Variants in NDST4 observed in about 807,000 individuals in gnomAD.
NDST4 encodes N-heparan sulfate sulfotransferase 4.
Under a neutral mutation model 100.8 loss-of-function variants are expected in NDST4, and 63 were observed. The ratio of observed to expected loss-of-function variants is 0.62; its 90% CI spans 0.51 to 0.77. The LOEUF is 0.77. Among genes scored for constraint, NDST4 ranks in the 30% least tolerant of loss-of-function variants. The probability of loss-of-function intolerance (pLI) is 0.00; values close to 1 mark genes in which losing one functional copy is unlikely to be tolerated. For synonymous variants in NDST4, 377 were observed against 361.8 expected (o/e 1.04, Z -0.48); for missense variants, 943 against 1,018.4 (o/e 0.93, Z 1.01).
chr4:114,968,893 A>G (rs1251825761), intron 4 of NDST4, among the ~76,000 whole-genome samples: 1 of 152,050 alleles, frequency 6.6e-6, no homozygotes, highest in African/African-American at 2.4e-5. Context: ...GAAGTTTCTG[A>G]AATGCAAATT....
chr4:115,070,930 C>A (rs1441041426), intron 2 of NDST4, among the ~76,000 whole-genome samples: 1 of 151,872 alleles, frequency 6.6e-6, no homozygotes, highest in Admixed American at 6.6e-5. Flanking sequence ...CATGGTGAAA[C>A]CTTGTCTCTA....
chr4:114,905,757 C>A (rs1051756538), intron 6 of NDST4, among the ~76,000 whole-genome samples: 3 of 151,902 alleles, frequency 2.0e-5, no homozygotes, highest in African/African-American at 7.2e-5. Flanking sequence ...GAATACTGTT[C>A]TTTTTCATTT....
At position 115,015,147 on chromosome 4, in the gene NDST4, C is replaced by T. The variant is rs139994609; in HGVS notation, c.979-37873G>A. Among the ~76,000 whole-genome samples the T allele has an allele frequency of 2.9e-3, 437 of 152,196 alleles. 1 individual carries two copies. Among genetic ancestry groups the T allele is most frequent in the African/African-American group, 9.9e-3 (412 of 41,544 alleles). Reference sequence around the variant, plus strand: ...AAGAAGTGGCCCAAATGCCCACTGGCGTCACACCAATTACACAGTTTTTGT... The same window carrying T: ...AAGAAGTGGCCCAAATGCCCACTGGTGTCACACCAATTACACAGTTTTTGT... On this transcript the variant is annotated intron_variant, in intron 2 of 13. Coordinates refer to ENST00000264363, the MANE Select transcript of NDST4 (RefSeq NM_022569.3).
chr4:114,845,727 A>T (rs1420720088), intron 10 of NDST4, 96 bp downstream of exon 10: 3 of 1,112,640 alleles, frequency 2.7e-6, no homozygotes, highest in Non-Finnish European at 3.8e-6. Flanking sequence ...CTTACATTTG[A>T]CTTTTCATAT....
chr4:114,868,677 G>A (rs1724083782), intron 7 of NDST4, among the ~76,000 whole-genome samples: 1 of 151,708 alleles, frequency 6.6e-6, no homozygotes, highest in Non-Finnish European at 1.5e-5. Flanking sequence ...TCAGTGAAAA[G>A]TAACCATATA....
At chr4:115,011,742 A>G (rs1017220373) in intron 2 of NDST4, among the ~76,000 whole-genome samples, 1 of 151,950 alleles carries the variant, frequency 6.6e-6, no homozygotes, top group East Asian at 1.9e-4. Context: ...TTTATATTCC[A>G]ATATAGCTTC....
intron 1 of NDST4, among the ~76,000 whole-genome samples, chr4:115,091,269 C>T (rs1729513128): frequency 6.6e-6 from 1 of 151,734 alleles, no homozygotes; most frequent in Non-Finnish European, 1.5e-5. Flanking sequence ...TTTTATATTT[C>T]TCTGTTATGC....
chr4:115,082,425 C>T (rs1396667023), intron 1 of NDST4, among the ~76,000 whole-genome samples: 3 of 152,086 alleles, frequency 2.0e-5, no homozygotes, highest in Admixed American at 2.0e-4. Context: ...ATTACAGGTA[C>T]TACTGTAGTT....
At chr4:115,079,420 A>G (rs981407257) in intron 1 of NDST4, among the ~76,000 whole-genome samples, 3 of 151,556 alleles carry the variant, frequency 2.0e-5, no homozygotes, top group African/African-American at 7.3e-5. Flanking sequence ...ATAATTTTCC[A>G]TTATTATTAG....
intron 2 of NDST4, among the ~76,000 whole-genome samples, chr4:115,006,913 G>A (rs1394651809): frequency 3.9e-5 from 6 of 151,984 alleles, no homozygotes; most frequent in Admixed American, 6.6e-5. Flanking sequence ...GAAAAATTGC[G>A]ATAATAATAA....
intron 2 of NDST4, among the ~76,000 whole-genome samples, chr4:115,019,442 G>A (rs2126263986): frequency 6.6e-6 from 1 of 152,080 alleles, no homozygotes; most frequent in South Asian, 2.1e-4. Flanking sequence ...CTGGTTCTTT[G>A]GGTAAATCAA....
intron 4 of NDST4, among the ~76,000 whole-genome samples, chr4:114,963,851 TCA>T (rs1344438085): frequency 1.3e-5 from 2 of 152,184 alleles, no homozygotes; most frequent in African/African-American, 4.8e-5. Context: ...GTGAGTTATA[TCA>T]CACAGGATCC....
At chr4:114,936,730 A>G (rs925772709) in intron 5 of NDST4, among the ~76,000 whole-genome samples, 1 of 152,202 alleles carries the variant, frequency 6.6e-6, no homozygotes, top group African/African-American at 2.4e-5. Context: ...CCTACATCCT[A>G]TTATTTTTCA....
intron 2 of NDST4, among the ~76,000 whole-genome samples, chr4:115,050,112 C>T (rs1026478976): frequency 2.0e-5 from 3 of 152,078 alleles, no homozygotes; most frequent in Admixed American, 6.6e-5. Flanking sequence ...TACCAATCCC[C>T]ATACAGTTTA....
chr4:115,006,909 T>C (rs534435186), intron 2 of NDST4, among the ~76,000 whole-genome samples: 250 of 151,970 alleles, frequency 1.6e-3, no homozygotes, highest in African/African-American at 5.9e-3. Flanking sequence ...GCCAGAAAAA[T>C]TGCGATAATA....
chr4:114,853,258 A>G (rs2126189234), intron 7 of NDST4, among the ~76,000 whole-genome samples: 1 of 151,926 alleles, frequency 6.6e-6, no homozygotes. Flanking sequence ...TTTTCATTTC[A>G]TTTCATGTTT....
chr4:114,940,026 T>C (rs1348801217), intron 4 of NDST4, among the ~76,000 whole-genome samples: 1 of 152,092 alleles, frequency 6.6e-6, no homozygotes, highest in African/African-American at 2.4e-5. Context: ...CAACCAAGCA[T>C]CATATTTCCA....
chr4:114,863,451 C>T (rs903434035), intron 7 of NDST4, among the ~76,000 whole-genome samples: 1 of 152,326 alleles, frequency 6.6e-6, no homozygotes, highest in East Asian at 1.9e-4. Flanking sequence ...GGTAAAGGAT[C>T]TTCCCTCCAA....
intron 2 of NDST4, among the ~76,000 whole-genome samples, chr4:114,978,430 G>A (rs1399090117): frequency 6.6e-6 from 1 of 151,888 alleles, no homozygotes; most frequent in Non-Finnish European, 1.5e-5. Flanking sequence ...TATAGTCAAT[G>A]GTTATCCAAG....
Sources: gnomAD v4.1 joint callset for allele counts (sites outside exome capture counted in the v4.1 genomes callset) on GRCh38, gnomAD v4.1.1 for gene constraint, MANE v1.5 for transcripts, NCBI Gene and HGNC (gene_info 2026-07-23, HGNC 2026-07-21) for gene names.